CIMAP1D: variants seen among roughly 807,000 people sequenced by gnomAD.
CIMAP1D encodes the protein CIMAP1 family member D, also known as protein CIMAP1D.
chr19:470,937 G>A, the CIMAP1D span, among the ~76,000 whole-genome samples: 1,447 of 152,282 alleles, frequency 9.5e-3, 28 homozygotes, highest in African/African-American at 0.033. Context: ...GTGGCACAGC[G>A]AGCCGGTGCA....
At chr19:481,538 G>GGGAAGGATGATGGGGA in the CIMAP1D span, among the ~76,000 whole-genome samples, 4 of 72,734 alleles carry the variant, frequency 5.5e-5, no homozygotes, top group Non-Finnish European at 9.2e-5. Context: ...AAGGATGATG[G>GGGAAGGATGATGGGGA]AGGATGATGG....
the CIMAP1D span, among the ~76,000 whole-genome samples, chr19:484,461 A>G: frequency 6.6e-6 from 1 of 152,134 alleles, no homozygotes; most frequent in Non-Finnish European, 1.5e-5. Flanking sequence ...TTTTTGACAC[A>G]GGGTCTCATT....
At chr19:484,146 T>C in the CIMAP1D span, among the ~76,000 whole-genome samples, 32 of 148,272 alleles carry the variant, frequency 2.2e-4, no homozygotes, top group African/African-American at 2.5e-5. Context: ...TTTCTTTTTT[T>C]TTTTTTTTTT....
At chr19:472,336 T>A in the CIMAP1D span, 1 of 1,040,182 alleles carries the variant, frequency 9.6e-7, no homozygotes, top group Non-Finnish European at 1.3e-6. Context: ...CCATCAGTGC[T>A]CCTGGGGGGA....
chr19:475,437 G>A, the CIMAP1D span, among the ~76,000 whole-genome samples: 2 of 152,206 alleles, frequency 1.3e-5, no homozygotes, highest in South Asian at 2.1e-4. Context: ...GTATGAGGAG[G>A]CACTGAACGT....
chr19:483,076 G>A, the CIMAP1D span, among the ~76,000 whole-genome samples: 1 of 152,140 alleles, frequency 6.6e-6, no homozygotes, highest in Non-Finnish European at 1.5e-5. Context: ...AAGGGCATCT[G>A]GCCCCTTATC....
At chr19:465,846 GGATA>G in the CIMAP1D span, among the ~76,000 whole-genome samples, 2 of 127,000 alleles carry the variant, frequency 1.6e-5, no homozygotes, top group Non-Finnish European at 3.4e-5. Flanking sequence ...ATGGATGTGT[GGATA>G]GATGGATGGA....
At chr19:474,137 G>C in the CIMAP1D span, among the ~76,000 whole-genome samples, 2 of 152,174 alleles carry the variant, frequency 1.3e-5, no homozygotes, top group African/African-American at 4.8e-5. Flanking sequence ...CCAGCCCGAG[G>C]ACCTGGCTTG....
At chr19:464,133 G>C in the CIMAP1D span, 1 of 523,192 alleles carries the variant, frequency 1.9e-6, no homozygotes, top group Non-Finnish European at 3.3e-6. Context: ...ATCCTGCGGG[G>C]GGCGGGCGGG....
the CIMAP1D span, among the ~76,000 whole-genome samples, chr19:469,734 C>G: frequency 6.6e-6 from 1 of 152,030 alleles, no homozygotes; most frequent in East Asian, 1.9e-4. Context: ...GTCATAATCC[C>G]ATCGCCCCTC....
At chr19:463,697 G>C in the CIMAP1D span, 1 of 1,150,300 alleles carries the variant, frequency 8.7e-7, no homozygotes, top group Non-Finnish European at 1.2e-6. Context: ...GGAAGGATCA[G>C]GTGTCCTAGA....
chr19:464,029 G>T, the CIMAP1D span: 37 of 1,602,412 alleles, frequency 2.3e-5, no homozygotes, highest in South Asian at 1.2e-4. Context: ...CGCGGGGCCC[G>T]GGGCCGCCCC....
the CIMAP1D span, chr19:463,911 G>T: frequency 3.7e-6 from 6 of 1,611,560 alleles, no homozygotes; most frequent in South Asian, 5.5e-5. Flanking sequence ...CATGGTGCTG[G>T]CCCGTTTCGA....
chr19:489,193 G>A, the CIMAP1D span: 2 of 152,154 alleles, frequency 1.3e-5, no homozygotes, highest in Non-Finnish European at 2.9e-5. Context: ...GAAAAGGAGG[G>A]GGAGCGGCTG....
At chr19:464,108 TG>T in the CIMAP1D span, 1 of 1,205,118 alleles carries the variant, frequency 8.3e-7, no homozygotes, top group Non-Finnish European at 1.1e-6. Context: ...GGCCCGGGCC[TG>T]GTATCTCAGC....
At chr19:466,369 G>GGTGA in the CIMAP1D span, among the ~76,000 whole-genome samples, 1 of 125,534 alleles carries the variant, frequency 8.0e-6, no homozygotes, top group African/African-American at 3.0e-5. Flanking sequence ...TGGGTGGGTG[G>GGTGA]GTGGGTGGAT....
the CIMAP1D span, among the ~76,000 whole-genome samples, chr19:476,990 T>A: frequency 6.6e-6 from 1 of 152,178 alleles, no homozygotes; most frequent in Non-Finnish European, 1.5e-5. Context: ...GCAGATTGCT[T>A]CAGCTCAGGA....
the CIMAP1D span, chr19:464,135 G>T: frequency 6.3e-6 from 3 of 475,124 alleles, no homozygotes; most frequent in Non-Finnish European, 1.1e-5. Context: ...CCTGCGGGGG[G>T]CGGGCGGGGG....
chr19:480,033 G>A, the CIMAP1D span, among the ~76,000 whole-genome samples: 1 of 152,264 alleles, frequency 6.6e-6, no homozygotes, highest in Non-Finnish European at 1.5e-5. Flanking sequence ...GGTTGGTGGT[G>A]TGAGCGTCTG....
Sources: gnomAD v4.1 joint callset for allele counts (sites outside exome capture counted in the v4.1 genomes callset) on GRCh38, gnomAD v4.1.1 for gene constraint, MANE v1.5 for transcripts, NCBI Gene and HGNC (gene_info 2026-07-23, HGNC 2026-07-21) for gene names.